SLC7A5: variants seen among roughly 807,000 people sequenced by gnomAD.
The protein encoded by SLC7A5 is solute carrier family 7 member 5.
A neutral mutation model predicts 50.2 loss-of-function variants in SLC7A5; 23 were observed. The ratio of observed to expected loss-of-function variants is 0.46; its 90% CI spans 0.33 to 0.65. The LOEUF is 0.65. Ranked by LOEUF, SLC7A5 falls within the 30% of genes least tolerant of loss-of-function variation. The pLI is 0.02. For missense variants in SLC7A5, 578 were observed against 684.4 expected (o/e 0.84, Z 1.73); for synonymous variants, 393 against 330.6 (o/e 1.19, Z -2.05).
At chr16:87,839,654 G>T (rs1269947374) in intron 5 of SLC7A5, 48 bp downstream of exon 5, 45 of 1,610,674 alleles carry the variant, frequency 2.8e-5, no homozygotes, top group Non-Finnish European at 3.6e-5. Flanking sequence ...GGACGGGCTG[G>T]CCACAGCCTC....
chr16:87,856,839 A>G (rs1194673346), intron 1 of SLC7A5, among the ~76,000 whole-genome samples: 1 of 151,972 alleles, frequency 6.6e-6, no homozygotes, highest in Non-Finnish European at 1.5e-5. Flanking sequence ...GAACTTATAA[A>G]AGCAGTGGTG....
At chr16:87,851,360 C>T (rs770126932) in intron 2 of SLC7A5, among the ~76,000 whole-genome samples, 10 of 152,194 alleles carry the variant, frequency 6.6e-5, no homozygotes, top group Non-Finnish European at 1.5e-4. Context: ...TGAGATGGCT[C>T]GGGTGAGGTC....
Position 87,860,336 on chromosome 16 carries a change from AAAAATACACAC to A in SLC7A5, c.539-8498_539-8488del, listed in dbSNP as rs1314436043. ...TAACAAAAGCATCTCAAAAAAAAAA[AAAAATACACAC>A]ACACACACACACACACACACACACA... On this transcript the variant is annotated intron_variant, in intron 1 of 9. Transcript: ENST00000261622. This position sits in a 1 kb window ranked among gnomAD's most constrained non-coding sequence, Gnocchi z 4.8. Among the ~76,000 whole-genome samples, 6 of 97,896 alleles carry A rather than the reference AAAAATACACAC, an allele frequency of 6.1e-5. No individual in the cohort carries two copies. Among genetic ancestry groups the A allele is most frequent in the Middle Eastern group, 4.8e-3 (1 of 208 alleles). 64.2% of individuals were successfully genotyped at this position (97,896 alleles called of 152,430 possible).
chr16:87,869,399 C>G lies in SLC7A5; in HGVS notation c.24G>C (p.Arg8=), dbSNP rs1167808687. The change falls in exon 1 of 10, where the codon CGG becomes CGC. Residue 8 remains arginine, a synonymous_variant. Coordinates refer to ENST00000261622, the MANE Select transcript of SLC7A5 (RefSeq NM_003486.7). Reference sequence around the variant, plus strand: ...CGGCCGCCGGCGCCGCTAGCGCGCGCCGCTTCGGGCCCGCACCCGCCATGC... The same window carrying G: ...CGGCCGCCGGCGCCGCTAGCGCGCGGCGCTTCGGGCCCGCACCCGCCATGC... The part of the protein sequence containing the change: MAGAGPK[R]RALAAPAAEE... The G allele has an allele frequency of 9.2e-6, 14 of 1,517,244 alleles. No individual in the cohort carries two copies. Among genetic ancestry groups the G allele is most frequent in the Non-Finnish European group, 1.2e-5 (14 of 1,138,556 alleles). 94.0% of individuals were successfully genotyped at this position (1,517,244 alleles called of 1,614,324 possible). A position where few individuals can be genotyped will look rare whatever the true frequency, so the allele number is the denominator to read the frequency against.
chr16:87,854,468 G>A (rs1853190730), intron 1 of SLC7A5, among the ~76,000 whole-genome samples: 1 of 152,242 alleles, frequency 6.6e-6, no homozygotes, highest in African/African-American at 2.4e-5. Flanking sequence ...AGGCGAGGCA[G>A]TCACAGGATA....
At chr16:87,850,156 G>C (rs553005319) in intron 2 of SLC7A5, among the ~76,000 whole-genome samples, 4 of 152,202 alleles carry the variant, frequency 2.6e-5, no homozygotes, top group Non-Finnish European at 5.9e-5. Context: ...CCAGCAGGGG[G>C]CGCCAGGAGC....
Position 87,832,706 on chromosome 16 carries a change from G to A in SLC7A5, c.*264C>T. ...AATATATATATAAGTAAACAAAGGAGGGAAGGGAAAAAGGGCCCAAGGAGA... is the reference window on the plus strand; with the variant it reads ...AATATATATATAAGTAAACAAAGGAAGGAAGGGAAAAAGGGCCCAAGGAGA... On this transcript the variant is annotated 3_prime_UTR_variant, in exon 10 of 10. Coordinates refer to ENST00000261622, the MANE Select transcript of SLC7A5 (RefSeq NM_003486.7). This position sits in a 1 kb window ranked among gnomAD's most constrained non-coding sequence, Gnocchi z 4.6. 3.0e-6 allele frequency: 1 copy of A among 337,188 alleles called. No individual in the cohort carries two copies. Among genetic ancestry groups the A allele is most frequent in the East Asian group, 5.7e-5 (1 of 17,574 alleles). The allele number at this position is 337,188 out of a possible 1,614,324, so 20.9% of individuals were successfully genotyped here.
intron 2 of SLC7A5, among the ~76,000 whole-genome samples, chr16:87,842,365 G>A (rs564586041): frequency 9.8e-5 from 15 of 152,340 alleles, no homozygotes; most frequent in Admixed American, 2.0e-4. Flanking sequence ...CCAAGAAGGG[G>A]AACCACCTTG....
chr16:87,845,326 C>T (rs760644211), intron 2 of SLC7A5, among the ~76,000 whole-genome samples: 2 of 152,234 alleles, frequency 1.3e-5, no homozygotes, highest in Non-Finnish European at 2.9e-5. Context: ...GTGGTCAGCA[C>T]CCTGGAGCTA....
At position 87,853,897 on chromosome 16, in the gene SLC7A5, TCGCGGCTGTCA is replaced by T. The variant is rs1033274957; in HGVS notation, c.539-2059_539-2049del. On this transcript the variant is annotated intron_variant, in intron 1 of 9. Coordinates refer to ENST00000261622, the MANE Select transcript of SLC7A5 (RefSeq NM_003486.7). The surrounding 1 kb of genome is among the most constrained non-coding windows in gnomAD (Gnocchi z 4.4). ...GCTGCGGAGACACTGAGCACTGCCC[TCGCGGCTGTCA>T]CGTCTGCGGCTGTCACGTCTGCTAG... 2.7e-5 allele frequency: 4 copies of T among 150,584 alleles called. No individual in the cohort carries two copies. Among genetic ancestry groups the T allele is most frequent in the Non-Finnish European group, 4.4e-5 (3 of 67,688 alleles). 9.3% of individuals were successfully genotyped at this position (150,584 alleles called of 1,614,324 possible).
rs991560348 is a variant in SLC7A5, at chr16:87,861,777, G to T, written c.538+7108C>A. Among the ~76,000 whole-genome samples the T allele has an allele frequency of 3.3e-5, 5 of 152,184 alleles. No individual in the cohort carries two copies. The highest frequency in any genetic ancestry group is 1.2e-4 in the African/African-American group (5 of 41,438). ...AGAGGTCTGTGACCCAAGAAAAAAG[G>T]GTCACAAGTGCCCGTTAGGCTCTCC... On this transcript the variant is annotated intron_variant, in intron 1 of 9. Coordinates refer to ENST00000261622, the MANE Select transcript of SLC7A5 (RefSeq NM_003486.7). The surrounding 1 kb of genome is among the most constrained non-coding windows in gnomAD (Gnocchi z 4.2).
intron 2 of SLC7A5, among the ~76,000 whole-genome samples, chr16:87,845,892 G>A (rs1445261791): frequency 2.0e-5 from 3 of 152,182 alleles, no homozygotes; most frequent in Non-Finnish European, 4.4e-5. Flanking sequence ...GGGAAAACAA[G>A]CCCCGCTCCC....
At chr16:87,840,567 G>GC in intron 3 of SLC7A5, 94 bp from the exon 4 acceptor site, 4 of 1,093,372 alleles carry the variant, frequency 3.7e-6, no homozygotes, top group South Asian at 1.2e-5. Context: ...TGGTGAGCCT[G>GC]CCCCCCGGTG....
intron 1 of SLC7A5, 85 bp from the exon 2 acceptor site, chr16:87,851,934 C>T (rs1285234916): frequency 5.9e-5 from 90 of 1,522,932 alleles, no homozygotes; most frequent in Non-Finnish European, 8.0e-5. Context: ...ACCCCACCCC[C>T]ACCCCAGGGC....
Position 87,838,738 on chromosome 16 carries a change from T to C in SLC7A5, c.1019A>G (p.Asn340Ser), listed in dbSNP as rs761212515. ...CCTGGAGGATGTGAACAGGGACCCA[T>C]TGACGGAGCCGAAGCAGGACAGGCC... The part of the protein sequence containing the change: ...FVGLSCFGSV[N>S]GSLFTSSRLF... Residue 340 changes from asparagine (N) to serine (S), a missense_variant, in exon 6 of 10, where the codon AAT becomes AGT. By Grantham distance (46) the Asn-to-Ser change is conservative. Coordinates refer to ENST00000261622, the MANE Select transcript of SLC7A5 (RefSeq NM_003486.7). 8 of 1,613,838 alleles carry C rather than the reference T, an allele frequency of 5.0e-6. No homozygotes were observed. The highest frequency in any genetic ancestry group is 1.1e-5 in the South Asian group (1 of 91,082).
intron 1 of SLC7A5, among the ~76,000 whole-genome samples, chr16:87,854,664 T>C (rs986273358): frequency 6.6e-6 from 1 of 152,238 alleles, no homozygotes; most frequent in African/African-American, 2.4e-5. Context: ...CGCGCCAGCC[T>C]GCGGGGACAG....
At position 87,860,761 on chromosome 16, in the gene SLC7A5, G is replaced by T. The variant is rs1476592211; in HGVS notation, c.538+8124C>A. Among the ~76,000 whole-genome samples, 6 of 152,218 alleles carry T rather than the reference G, an allele frequency of 3.9e-5. No homozygotes were observed. Among genetic ancestry groups the T allele is most frequent in the Non-Finnish European group, 4.4e-5 (3 of 68,040 alleles). ...GGATGACTCAGCAGGGATCGAGTTTGCGGGCGTCACGCTCCAAGGCCCAGA... is the reference window on the plus strand; with the variant it reads ...GGATGACTCAGCAGGGATCGAGTTTTCGGGCGTCACGCTCCAAGGCCCAGA... On this transcript the variant is annotated intron_variant, in intron 1 of 9. Transcript: ENST00000261622. The surrounding 1 kb of genome is among the most constrained non-coding windows in gnomAD (Gnocchi z 4.8).
rs1231713762 is a variant in SLC7A5, at chr16:87,833,895, C to A, written c.1468+519G>T. 6.6e-6 allele frequency among the ~76,000 whole-genome samples: 1 copy of A among 151,688 alleles called. No homozygotes were observed. Among genetic ancestry groups the A allele is most frequent in the Non-Finnish European group, 1.5e-5 (1 of 67,878 alleles). ...TTTGAGAAGAGTCTCGCTCTGTCGCCCAGGCTGGAGTGCAATGGTGCGATC... is the reference window on the plus strand; with the variant it reads ...TTTGAGAAGAGTCTCGCTCTGTCGCACAGGCTGGAGTGCAATGGTGCGATC... On this transcript the variant is annotated intron_variant, in intron 9 of 9. Transcript: ENST00000261622. The surrounding 1 kb of genome is among the most constrained non-coding windows in gnomAD (Gnocchi z 6.0).
intron 8 of SLC7A5, among the ~76,000 whole-genome samples, chr16:87,836,033 C>T (rs1384274178): frequency 6.6e-6 from 1 of 152,190 alleles, no homozygotes; most frequent in African/African-American, 2.4e-5. Context: ...AGGCAGCCCA[C>T]GGATAACAGC....
Sources: gnomAD v4.1 joint callset for allele counts (sites outside exome capture counted in the v4.1 genomes callset) on GRCh38, gnomAD v4.1.1 for gene constraint, Gnocchi (gnomAD v3.1) non-coding constraint, MANE v1.5 for transcripts, NCBI Gene and HGNC (gene_info 2026-07-23, HGNC 2026-07-21) for gene names.